The following LCLAT1 variants were observed in gnomAD, a reference collection of about 807,000 sequenced individuals.
The protein encoded by LCLAT1 is 1-AGP acyltransferase 8.
In LCLAT1, 11 loss-of-function variants were observed where a neutral mutation model predicts 30.7. The ratio of observed to expected loss-of-function variants is 0.36; its 90% CI spans 0.23 to 0.59. LCLAT1 has a LOEUF of 0.59. Ranked by LOEUF, LCLAT1 falls within the 20% of genes least tolerant of loss-of-function variation. The pLI is 0.77. For missense variants in LCLAT1, 402 were observed against 458.6 expected (o/e 0.88, Z 1.13); for synonymous variants, 155 against 151.3 (o/e 1.02, Z -0.18).
At chr2:30,520,686 A>G (rs769708864) in intron 1 of LCLAT1, among the ~76,000 whole-genome samples, 8 of 152,214 alleles carry the variant, frequency 5.3e-5, no homozygotes, top group Non-Finnish European at 8.8e-5. Flanking sequence ...AAAGCTATAT[A>G]CATTTTAGGT....
chr2:30,483,616 T>G (rs1572507640), intron 1 of LCLAT1, among the ~76,000 whole-genome samples: 1 of 152,220 alleles, frequency 6.6e-6, no homozygotes, highest in South Asian at 2.1e-4. Context: ...TGATGAAAAC[T>G]CATCTTTAAT....
chr2:30,513,890 C>T (rs1685057114), intron 1 of LCLAT1, among the ~76,000 whole-genome samples: 1 of 152,212 alleles, frequency 6.6e-6, no homozygotes, highest in Admixed American at 6.5e-5. Context: ...TGATTGATGT[C>T]TCATGTCTCT....
At chr2:30,600,257 C>A (rs1045693320) in intron 5 of LCLAT1, among the ~76,000 whole-genome samples, 4 of 152,178 alleles carry the variant, frequency 2.6e-5, no homozygotes, top group Non-Finnish European at 5.9e-5. Context: ...AACTAACTTG[C>A]TCCTGAATGA....
intron 2 of LCLAT1, among the ~76,000 whole-genome samples, chr2:30,531,129 G>A (rs563668471): frequency 1.3e-5 from 2 of 152,196 alleles, no homozygotes; most frequent in South Asian, 4.1e-4. Flanking sequence ...GCTGGGTGTG[G>A]TGGCGGGCAC....
At chr2:30,533,436 C>G in intron 3 of LCLAT1, 122 bp downstream of exon 3, 2 of 785,074 alleles carry the variant, frequency 2.5e-6, no homozygotes, top group Non-Finnish European at 4.4e-6. Context: ...AAAACAATCT[C>G]TGGTTCTTTT....
rs1010412528 is a variant in LCLAT1, at chr2:30,533,194, A to C, written c.244A>C (p.Ile82Leu). ...AFVPGERSVI[I>L]MNHRTRMDWM... ...TGTTCCTGGAGAAAGAAGTGTCATT[A>C]TCATGAACCATCGGACAAGAATGGA... Residue 82 changes from isoleucine (I) to leucine (L), a missense_variant, in exon 3 of 6, where the codon ATC becomes CTC. By Grantham distance (5) the Ile-to-Leu change is conservative (BLOSUM62 2). Transcript: ENST00000379509. The C allele has an allele frequency of 1.2e-6, 2 of 1,614,044 alleles. No individual in the cohort carries two copies. The highest frequency in any genetic ancestry group is 1.7e-6 in the Non-Finnish European group (2 of 1,179,878).
intron 4 of LCLAT1, among the ~76,000 whole-genome samples, chr2:30,567,614 G>T (rs1356593189): frequency 1.3e-5 from 2 of 152,130 alleles, no homozygotes; most frequent in Admixed American, 6.5e-5. Context: ...ATGCCAAGTG[G>T]ACCTCCGGAT....
At chr2:30,602,033 C>CA (rs1667212742) in intron 5 of LCLAT1, among the ~76,000 whole-genome samples, 1 of 152,070 alleles carries the variant, frequency 6.6e-6, no homozygotes, top group African/African-American at 2.4e-5. Flanking sequence ...AGGCATTTGA[C>CA]AGACTTTCCT....
chr2:30,572,872 A>T (rs1457182406), intron 5 of LCLAT1, among the ~76,000 whole-genome samples: 2 of 150,878 alleles, frequency 1.3e-5, no homozygotes, highest in Admixed American at 6.6e-5. Flanking sequence ...TCTAATCTTT[A>T]AAAAAAAATG....
chr2:30,549,021 A>G (rs938151098), intron 3 of LCLAT1, among the ~76,000 whole-genome samples: 4 of 152,228 alleles, frequency 2.6e-5, no homozygotes, highest in Non-Finnish European at 5.9e-5. Flanking sequence ...AGGCAGTTTT[A>G]CCAGGATTAC....
At chr2:30,521,130 C>T (rs1685447511) in intron 1 of LCLAT1, among the ~76,000 whole-genome samples, 1 of 152,202 alleles carries the variant, frequency 6.6e-6, no homozygotes, top group Non-Finnish European at 1.5e-5. Flanking sequence ...GTCCTCACTG[C>T]TACACTTCCA....
chr2:30,450,338 G>C (rs780972593), intron 1 of LCLAT1, among the ~76,000 whole-genome samples: 5 of 152,190 alleles, frequency 3.3e-5, no homozygotes, highest in Admixed American at 6.5e-5. Flanking sequence ...CCAGGGGTCA[G>C]ACCACAGTAT....
chr2:30,636,686 T>TGA (rs1669043066), intron 5 of LCLAT1, among the ~76,000 whole-genome samples: 1 of 151,998 alleles, frequency 6.6e-6, no homozygotes, highest in Non-Finnish European at 1.5e-5. Context: ...ACACACATGG[T>TGA]ACACACACAC....
chr2:30,490,291 C>T (rs756525603), intron 1 of LCLAT1, among the ~76,000 whole-genome samples: 3 of 151,748 alleles, frequency 2.0e-5, no homozygotes, highest in African/African-American at 4.8e-5. Context: ...CAAGCTCCGC[C>T]TCCCAGGTTC....
chr2:30,611,720 A>T (rs148782615), intron 5 of LCLAT1, among the ~76,000 whole-genome samples: 1 of 152,156 alleles, frequency 6.6e-6, no homozygotes, highest in Non-Finnish European at 1.5e-5. Flanking sequence ...GCATAGCAGC[A>T]AAGAAGAGCT....
At chr2:30,638,810 G>A (rs530201179) in intron 5 of LCLAT1, among the ~76,000 whole-genome samples, 136 of 92,276 alleles carry the variant, frequency 1.5e-3, no homozygotes, top group African/African-American at 0.014. Flanking sequence ...GCCACTGTAC[G>A]GTGTCACATC....
At chr2:30,489,773 C>T (rs1485812972) in intron 1 of LCLAT1, among the ~76,000 whole-genome samples, 1 of 152,188 alleles carries the variant, frequency 6.6e-6, no homozygotes, top group East Asian at 1.9e-4. Context: ...AGGGAGTGCC[C>T]TGTGGCCCCA....
At chr2:30,497,571 A>AT (rs952884140) in intron 1 of LCLAT1, among the ~76,000 whole-genome samples, 5 of 152,058 alleles carry the variant, frequency 3.3e-5, no homozygotes, top group Admixed American at 2.0e-4. Flanking sequence ...CCTCTGACAG[A>AT]TTTTTTTCTC....
chr2:30,576,581 T>G lies in LCLAT1; in HGVS notation c.628+8405T>G, dbSNP rs768969329. ...CAAAGGTGAGATTTTGACCTGAGTC[T>G]AAACCCTGTGGACCTTTGAATCCAG... is the stretch of plus-strand genomic sequence containing the variant. On this transcript the variant is annotated intron_variant, in intron 5 of 5. Transcript: ENST00000379509. Among the ~76,000 whole-genome samples the G allele has an allele frequency of 5.9e-5, 9 of 152,270 alleles. No individual in the cohort carries two copies. In the Middle Eastern group the frequency reaches 0.014, roughly 230 times the overall value.
Sources: allele counts gnomAD v4.1 joint callset (sites outside exome capture counted in the v4.1 genomes callset), GRCh38; gene constraint gnomAD v4.1.1; transcripts MANE v1.5; gene names NCBI Gene and HGNC (gene_info 2026-07-23, HGNC 2026-07-21).